The following ALB variants were observed in gnomAD, a reference collection of about 807,000 sequenced individuals.
The protein encoded by ALB is albumin.
In ALB, 37 loss-of-function variants were observed where a neutral mutation model predicts 74.5. That is an observed-to-expected ratio of 0.50 (90% CI 0.38 to 0.65). The LOEUF is 0.65. Ranked by LOEUF, ALB falls within the 30% of genes least tolerant of loss-of-function variation. ALB has a pLI of 0.00. For missense variants in ALB, 685 were observed against 718.7 expected (o/e 0.95, Z 0.54); for synonymous variants, 249 against 251.6 (o/e 0.99, Z 0.10).
intron 3 of ALB, among the ~76,000 whole-genome samples, 166 bp from the exon 4 acceptor site, chr4:73,408,428 G>T (rs1020301668): frequency 2.0e-5 from 3 of 152,142 alleles, no homozygotes; most frequent in Non-Finnish European, 4.4e-5. Context: ...ATTATATAGA[G>T]ATGGTTAAAT....
At chr4:73,414,755 G>A (rs766787844) in intron 8 of ALB, among the ~76,000 whole-genome samples, 5 of 152,000 alleles carry the variant, frequency 3.3e-5, no homozygotes, top group South Asian at 2.1e-4. Flanking sequence ...GTGCCCAGCC[G>A]ACAGATACTA....
Position 73,418,180 on chromosome 4 carries a change from C to T in ALB, c.1521C>T (p.Asn507=), listed in dbSNP as rs2149329557. ...AATGCTGCACAGAATCCTTGGTGAACAGGCGACCATGCTTTTCAGCTCTGG... is the reference window on the plus strand; with the variant it reads ...AATGCTGCACAGAATCCTTGGTGAATAGGCGACCATGCTTTTCAGCTCTGG... ...VTKCCTESLV[N]RRPCFSALEV... Residue 507 remains asparagine, a synonymous_variant, in exon 12 of 15, where the codon AAC becomes AAT. Coordinates refer to ENST00000295897, the MANE Select transcript of ALB (RefSeq NM_000477.7). 1.2e-6 allele frequency: 2 copies of T among 1,614,166 alleles called. No individual in the cohort carries two copies. The highest frequency in any genetic ancestry group is 2.2e-5 in the East Asian group (1 of 44,890).
chr4:73,405,025 T>G (rs1718683155), intron 1 of ALB, 91 bp from the exon 2 acceptor site: 1 of 1,277,578 alleles, frequency 7.8e-7, no homozygotes, highest in African/African-American at 1.5e-5. Flanking sequence ...ATGCATAATC[T>G]AAGTCAAATG....
chr4:73,411,930 T>C, intron 6 of ALB, 66 bp from the exon 7 acceptor site: 1 of 1,589,052 alleles, frequency 6.3e-7, no homozygotes, highest in Non-Finnish European at 8.6e-7. Context: ...GAAATAGTAT[T>C]TGCCTAGTGT....
Position 73,415,035 on chromosome 4 carries a change from G to T in ALB, c.1059G>T (p.Met353Ile). Reference protein sequence around the residue: ...YAEAKDVFLGMFLYEYARRHP... With the variant: ...YAEAKDVFLGIFLYEYARRHP... The stretch of plus-strand genomic sequence containing the variant: ...TCTATTTTATTTTCATCTTAATTAG[G>T]TTTTTGTATGAATATGCAAGAAGGC... The change falls in exon 9 of 15, where the codon ATG becomes ATT. Residue 353 changes from methionine to isoleucine, a missense_variant and splice_region_variant. Coordinates refer to ENST00000295897, the MANE Select transcript of ALB (RefSeq NM_000477.7). 6.2e-7 allele frequency: 1 copy of T among 1,613,888 alleles called. No individual in the cohort carries two copies. Among genetic ancestry groups the T allele is most frequent in the Non-Finnish European group, 8.5e-7 (1 of 1,179,866 alleles).
rs1362231760 is a variant in ALB, at chr4:73,421,126, C to A, written c.*58C>A. 1.4e-6 allele frequency: 1 copy of A among 698,312 alleles called. No individual in the cohort carries two copies. The highest frequency in any genetic ancestry group is 1.5e-5 in the South Asian group (1 of 66,394). The allele number at this position is 698,312 out of a possible 1,614,324, so 43.3% of individuals were successfully genotyped here. The stretch of plus-strand genomic sequence containing the variant: ...AGAATAAGAGAAAGAAAATGAAGAT[C>A]AAAAGCTTATTCATCTGTTTTTCTT... On this transcript the variant is annotated 3_prime_UTR_variant, in exon 15 of 15. Transcript: ENST00000295897.
At chr4:73,410,904 C>T (rs555732819) in intron 6 of ALB, among the ~76,000 whole-genome samples, 1 of 152,092 alleles carries the variant, frequency 6.6e-6, no homozygotes, top group South Asian at 2.1e-4. Context: ...TTTGCTTGTC[C>T]TTTTATGTCT....
At chr4:73,419,474 G>GTTT in intron 12 of ALB, 33 bp from the exon 13 acceptor site, 30 of 1,304,594 alleles carry the variant, frequency 2.3e-5, no homozygotes, top group South Asian at 6.6e-5. Flanking sequence ...TGTTTTTTCT[G>GTTT]TTTTTTTTTT....
intron 9 of ALB, 152 bp from the exon 10 acceptor site, chr4:73,416,104 A>G (rs1719005581): frequency 1.1e-5 from 7 of 639,218 alleles, no homozygotes; most frequent in South Asian, 1.1e-4. Flanking sequence ...AAATAGTTCG[A>G]ATGTATTGTG....
At position 73,418,317 on chromosome 4, in the gene ALB, G is replaced by A. The variant is rs765228109; in HGVS notation, c.1652+6G>A. Reference sequence around the variant, plus strand: ...AGACAAATCAAGAAACAAACGTGAGGAGTATTTCATTACTGCATGTGTTTG... The same window carrying A: ...AGACAAATCAAGAAACAAACGTGAGAAGTATTTCATTACTGCATGTGTTTG... On this transcript the variant is annotated splice_donor_region_variant and intron_variant, in intron 12 of 14. Transcript: ENST00000295897. The A allele has an allele frequency of 3.7e-6, 6 of 1,609,032 alleles. No individual in the cohort carries two copies. The highest frequency in any genetic ancestry group is 5.1e-6 in the Non-Finnish European group (6 of 1,176,550).
chr4:73,411,947 A>G lies in ALB; in HGVS notation c.714-49A>G, dbSNP rs1052389019. 2.5e-6 allele frequency: 4 copies of G among 1,611,612 alleles called. No individual in the cohort carries two copies. The Admixed American group carries it at 5.0e-5, about 20-fold the overall frequency. On this transcript the variant is annotated intron_variant, in intron 6 of 14. Coordinates refer to ENST00000295897, the MANE Select transcript of ALB (RefSeq NM_000477.7). ...AATAGTATTTGCCTAGTGTTTTCAT[A>G]TAAAATATCGCATGATAATACCATT...
At position 73,412,176 on chromosome 4, in the gene ALB, G is replaced by T. The variant is rs1471180150; in HGVS notation, c.843+51G>T. 6 of 1,609,772 alleles carry T rather than the reference G, an allele frequency of 3.7e-6. No individual in the cohort carries two copies. The South Asian group carries it at 6.6e-5, about 18-fold the overall frequency. ...GGTAGCTTGCATGCTCAAGTTGGTA[G>T]AATGGATGCGTTTGGTATCATTGGT... On this transcript the variant is annotated intron_variant, in intron 7 of 14. Transcript: ENST00000295897.
At chr4:73,416,183 C>T (rs1719007899) in intron 9 of ALB, 73 bp from the exon 10 acceptor site, 2 of 1,120,046 alleles carry the variant, frequency 1.8e-6, no homozygotes, top group Admixed American at 1.8e-5. Flanking sequence ...ATCATTCTGA[C>T]CAGAGGGGTG....
intron 6 of ALB, 107 bp downstream of exon 6, chr4:73,410,516 T>A (rs1436365640): frequency 1.2e-6 from 1 of 813,466 alleles, no homozygotes; most frequent in Non-Finnish European, 2.1e-6. Context: ...GTCAAATACA[T>A]TTCTTTGGTT....
chr4:73,419,316 A>G (rs556281529), intron 12 of ALB, 191 bp from the exon 13 acceptor site: 7 of 622,522 alleles, frequency 1.1e-5, no homozygotes, highest in Non-Finnish European at 1.6e-5. Flanking sequence ...AGTGGATTTT[A>G]TTATCCTCAT....
intron 1 of ALB, 56 bp downstream of exon 1, chr4:73,404,462 AAGTTTT>A: frequency 2.1e-6 from 3 of 1,416,274 alleles, no homozygotes; most frequent in Non-Finnish European, 3.0e-6. Flanking sequence ...CAGTAAAATA[AAGTTTT>A]AGTAAACTCT....
chr4:73,415,143 T>C lies in ALB; in HGVS notation c.1167T>C (p.Asp389=). 6.2e-7 allele frequency: 1 copy of C among 1,614,168 alleles called. No individual in the cohort carries two copies. The highest frequency in any genetic ancestry group is 8.5e-7 in the Non-Finnish European group (1 of 1,180,022). The change falls in exon 9 of 15, where the codon GAT becomes GAC. Residue 389 remains aspartate, a synonymous_variant. Coordinates refer to ENST00000295897, the MANE Select transcript of ALB (RefSeq NM_000477.7). ...TTLEKCCAAA[D]PHECYAKVFD... is the part of the protein sequence containing the mutation. ...TAGAGAAGTGCTGTGCCGCTGCAGA[T>C]CCTCATGAATGCTATGCCAAAGTGG...
intron 7 of ALB, among the ~76,000 whole-genome samples, chr4:73,412,645 A>G (rs1718908881): frequency 6.6e-6 from 1 of 151,964 alleles, no homozygotes; most frequent in African/African-American, 2.4e-5. Context: ...GGGTTTCACC[A>G]TATTGTCCAG....
At position 73,413,372 on chromosome 4, in the gene ALB, G is replaced by A. The variant is rs756311431; in HGVS notation, c.844-48G>A. 2.7e-6 allele frequency: 4 copies of A among 1,508,940 alleles called. No individual in the cohort carries two copies. The East Asian group carries it at 9.0e-5, about 34-fold the overall frequency. 93.5% of individuals were successfully genotyped at this position (1,508,940 alleles called of 1,614,324 possible). On this transcript the variant is annotated intron_variant, in intron 7 of 14. Transcript: ENST00000295897. Reference sequence around the variant, plus strand: ...CTTAATAAAGGTCTGAGGAGAAAGTGTAGCAATGTCAATTCGTGTTGAACA... The same window carrying A: ...CTTAATAAAGGTCTGAGGAGAAAGTATAGCAATGTCAATTCGTGTTGAACA...
Sources: gnomAD v4.1 joint callset for allele counts (sites outside exome capture counted in the v4.1 genomes callset) on GRCh38, gnomAD v4.1.1 for gene constraint, MANE v1.5 for transcripts, NCBI Gene and HGNC (gene_info 2026-07-23, HGNC 2026-07-21) for gene names.